NPAS3: variants seen among roughly 807,000 people sequenced by gnomAD.
NPAS3 encodes neuronal PAS domain-containing protein 3.
Under a neutral mutation model 73.1 loss-of-function variants are expected in NPAS3, and 14 were observed. The ratio of observed to expected loss-of-function variants is 0.19; its 90% CI spans 0.13 to 0.30. NPAS3 has a LOEUF of 0.30. NPAS3 is among the 10% of genes least tolerant of loss of function. NPAS3 has a pLI of 1.00. For synonymous variants in NPAS3, 620 were observed against 541.5 expected (o/e 1.14, Z -2.01); for missense variants, 1,096 against 1,250.0 (o/e 0.88, Z 1.86).
intron 2 of NPAS3, among the ~76,000 whole-genome samples, chr14:33,165,915 C>G (rs1440679513): frequency 6.6e-6 from 1 of 152,186 alleles, no homozygotes; most frequent in Non-Finnish European, 1.5e-5. Flanking sequence ...TGTGTCCCCC[C>G]ATCCCCAAAG....
intron 4 of NPAS3, among the ~76,000 whole-genome samples, chr14:33,543,965 A>G (rs1443784933): frequency 3.6e-5 from 1 of 28,068 alleles, no homozygotes. Context: ...ATATATATAT[A>G]TATATATATA....
chr14:33,166,126 C>T (rs56790127), intron 2 of NPAS3, among the ~76,000 whole-genome samples: 6,760 of 152,194 alleles, frequency 0.044, 350 homozygotes, highest in African/African-American at 0.12. Context: ...CATAGGCCTG[C>T]GACCTGTGAC....
chr14:33,795,106 C>T lies in NPAS3; in HGVS notation c.1301+1062C>T, dbSNP rs1272879178. The stretch of plus-strand genomic sequence containing the variant: ...ACCATGGCTCATCAGCACACTGGCC[C>T]TTCAGAGTGTGTTCACATACTTTGG... On this transcript the variant is annotated intron_variant, in intron 10 of 11. Coordinates refer to ENST00000356141, the Ensembl canonical transcript of NPAS3. Among the ~76,000 whole-genome samples, 13 of 152,300 alleles carry T rather than the reference C, an allele frequency of 8.5e-5. No homozygotes were observed. In the East Asian group the frequency reaches 1.9e-3, roughly 23 times the overall value.
chr14:33,543,961 A>C (rs1373474172), intron 4 of NPAS3, among the ~76,000 whole-genome samples: 73 of 22,136 alleles, frequency 3.3e-3, no homozygotes, highest in Admixed American at 7.2e-3. Context: ...ATATATATAT[A>C]TATATATATA....
intron 3 of NPAS3, among the ~76,000 whole-genome samples, chr14:33,326,938 A>G (rs150947326): frequency 1.9e-4 from 29 of 152,336 alleles, no homozygotes; most frequent in African/African-American, 4.6e-4. Flanking sequence ...TTACAAGACA[A>G]GAGAGGGACA....
intron 5 of NPAS3, among the ~76,000 whole-genome samples, chr14:33,653,680 G>T (rs1345566775): frequency 1.3e-5 from 2 of 152,196 alleles, no homozygotes; most frequent in Non-Finnish European, 2.9e-5. Context: ...CACTGCCAAG[G>T]ACTCACAATC....
chr14:33,714,666 T>C (rs976416322), intron 6 of NPAS3, among the ~76,000 whole-genome samples: 1 of 152,218 alleles, frequency 6.6e-6, no homozygotes, highest in Non-Finnish European at 1.5e-5. Context: ...GAGAGATAAT[T>C]ATCAAATTTA....
intron 3 of NPAS3, among the ~76,000 whole-genome samples, chr14:33,242,204 T>C (rs564954695): frequency 1.6e-3 from 237 of 152,156 alleles, no homozygotes; most frequent in African/African-American, 5.4e-3. Flanking sequence ...GAAAGAATAG[T>C]ATTGAGAATA....
At chr14:33,719,856 A>T (rs1443058538) in intron 6 of NPAS3, among the ~76,000 whole-genome samples, 1 of 152,128 alleles carries the variant, frequency 6.6e-6, no homozygotes, top group East Asian at 1.9e-4. Context: ...TTTCTTCTCA[A>T]GGTATTTGCA....
intron 4 of NPAS3, among the ~76,000 whole-genome samples, chr14:33,490,444 AT>A (rs2051836539): frequency 6.6e-6 from 1 of 152,206 alleles, no homozygotes; most frequent in East Asian, 1.9e-4. Context: ...ATACAGTGAC[AT>A]TGTAAGAGGG....
chr14:33,024,854 C>A (rs1191123873), intron 1 of NPAS3, among the ~76,000 whole-genome samples: 1 of 152,062 alleles, frequency 6.6e-6, no homozygotes, highest in Non-Finnish European at 1.5e-5. Flanking sequence ...CAGAAAACAC[C>A]AAACATGCAG....
At chr14:33,612,534 T>G (rs767638476) in intron 5 of NPAS3, 3 of 456,032 alleles carry the variant, frequency 6.6e-6, no homozygotes, top group South Asian at 3.1e-5. Flanking sequence ...TTAGTTCCTC[T>G]GGCTTTAAAA....
intron 4 of NPAS3, among the ~76,000 whole-genome samples, chr14:33,536,301 C>T (rs2054258854): frequency 6.6e-6 from 1 of 152,060 alleles, no homozygotes; most frequent in Non-Finnish European, 1.5e-5. Context: ...AACAAAACTA[C>T]AATTATTATT....
At chr14:33,696,028 A>G (rs570115924) in intron 6 of NPAS3, among the ~76,000 whole-genome samples, 1 of 152,264 alleles carries the variant, frequency 6.6e-6, no homozygotes, top group African/African-American at 2.4e-5. Flanking sequence ...TTTATTTAGG[A>G]ACAGTTTTGA....
At chr14:33,248,317 G>A (rs904714462) in intron 3 of NPAS3, among the ~76,000 whole-genome samples, 4 of 152,062 alleles carry the variant, frequency 2.6e-5, no homozygotes, top group Admixed American at 6.6e-5. Context: ...AATTCTTACC[G>A]GTATGTTAAA....
At chr14:33,793,987 C>T (rs775627208) in exon 10 of NPAS3, 2 of 1,613,422 alleles carry the variant, frequency 1.2e-6, no homozygotes, top group African/African-American at 2.7e-5. Flanking sequence ...GCCACCATAG[C>T]TATTAATGCC....
intron 3 of NPAS3, among the ~76,000 whole-genome samples, chr14:33,334,087 T>C (rs1185976737): frequency 6.6e-6 from 1 of 152,168 alleles, no homozygotes; most frequent in Admixed American, 6.6e-5. Context: ...GTTTGACATG[T>C]GAATATTTGG....
At chr14:33,452,845 G>A (rs532719806) in intron 4 of NPAS3, among the ~76,000 whole-genome samples, 2 of 150,722 alleles carry the variant, frequency 1.3e-5, no homozygotes, top group East Asian at 3.9e-4. Context: ...ACCAAAGGTG[G>A]CAAGTAGCAT....
intron 5 of NPAS3, among the ~76,000 whole-genome samples, chr14:33,575,621 C>G (rs2056403231): frequency 6.6e-6 from 1 of 152,144 alleles, no homozygotes; most frequent in Non-Finnish European, 1.5e-5. Context: ...CTTCAGTGAG[C>G]TCTTGGTAAG....
Sources: allele counts gnomAD v4.1 joint callset (sites outside exome capture counted in the v4.1 genomes callset), GRCh38; gene constraint gnomAD v4.1.1; transcripts MANE v1.5; gene names NCBI Gene and HGNC (gene_info 2026-07-23, HGNC 2026-07-21).